CDH4: variants seen among roughly 807,000 people sequenced by gnomAD.
The protein encoded by CDH4 is cadherin 4.
A neutral mutation model predicts 86.0 loss-of-function variants in CDH4; 33 were observed. The observed-to-expected ratio is 0.38, with a 90% CI of 0.29 to 0.51. The LOEUF is 0.51. CDH4 is among the 20% of genes least tolerant of loss of function. The probability of loss-of-function intolerance (pLI) is 0.86; values close to 1 mark genes in which losing one functional copy is unlikely to be tolerated. For synonymous variants in CDH4, 555 were observed against 549.4 expected (o/e 1.01, Z -0.14); for missense variants, 1,114 against 1,307.4 (o/e 0.85, Z 2.28).
At chr20:61,302,616 G>A (rs934328681) in intron 2 of CDH4, among the ~76,000 whole-genome samples, 6 of 152,156 alleles carry the variant, frequency 3.9e-5, no homozygotes, top group Admixed American at 2.6e-4. Flanking sequence ...AGACTGGTTG[G>A]TGCCTCCCAT....
chr20:61,778,265 G>A (rs1978354505), intron 4 of CDH4, among the ~76,000 whole-genome samples: 1 of 152,192 alleles, frequency 6.6e-6, no homozygotes, highest in South Asian at 2.1e-4. Flanking sequence ...GCCTGATGCG[G>A]GGCGGCAAGC....
chr20:61,812,425 C>G (rs1980487463), intron 4 of CDH4, among the ~76,000 whole-genome samples: 2 of 152,124 alleles, frequency 1.3e-5, no homozygotes, highest in Admixed American at 1.3e-4. Flanking sequence ...TAACAGCCAG[C>G]CCCCAGCAGC....
chr20:61,348,906 C>T (rs1480368886), intron 2 of CDH4, among the ~76,000 whole-genome samples: 1 of 152,142 alleles, frequency 6.6e-6, no homozygotes. Flanking sequence ...GTTTGTTTTT[C>T]GTTTGTTTTG....
At chr20:61,608,604 G>A (rs959002571) in intron 2 of CDH4, among the ~76,000 whole-genome samples, 1 of 152,214 alleles carries the variant, frequency 6.6e-6, no homozygotes, top group East Asian at 1.9e-4. Flanking sequence ...AGTGCTCAAC[G>A]CAGCCAAGAA....
chr20:61,588,452 G>A (rs2086494450), intron 2 of CDH4, among the ~76,000 whole-genome samples: 1 of 152,210 alleles, frequency 6.6e-6, no homozygotes, highest in Admixed American at 6.5e-5. Flanking sequence ...GCCCTTTGCA[G>A]GGAGAGAAAG....
rs1446071141 is a variant in CDH4, at chr20:61,691,866, CTG to C, written c.170-51695_170-51694del. The stretch of plus-strand genomic sequence containing the variant: ...CAGCACATGACTGTGTATCGCACAC[CTG>C]TCTATGTGTGTATGTGTATATATGC... On this transcript the variant is annotated intron_variant, in intron 2 of 15. Coordinates refer to ENST00000614565, the MANE Select transcript of CDH4 (RefSeq NM_001794.5). 4.0e-5 allele frequency among the ~76,000 whole-genome samples: 6 copies of C among 150,438 alleles called. No individual in the cohort carries two copies. The East Asian group carries it at 1.2e-3, about 30-fold the overall frequency.
intron 2 of CDH4, among the ~76,000 whole-genome samples, chr20:61,694,085 G>A (rs1427331144): frequency 1.3e-5 from 2 of 151,756 alleles, no homozygotes; most frequent in Non-Finnish European, 2.9e-5. Context: ...GTGGAGACAG[G>A]GTTTTGCCAT....
intron 2 of CDH4, among the ~76,000 whole-genome samples, chr20:61,601,755 G>A (rs1286448589): frequency 1.3e-5 from 2 of 152,226 alleles, no homozygotes; most frequent in Non-Finnish European, 2.9e-5. Context: ...CAGAGGAGAT[G>A]GATGCATTCC....
chr20:61,320,030 T>C (rs1263467420), intron 2 of CDH4, among the ~76,000 whole-genome samples: 1 of 152,134 alleles, frequency 6.6e-6, no homozygotes, highest in Non-Finnish European at 1.5e-5. Flanking sequence ...TGTTGAGCAC[T>C]TGAAATTTGT....
intron 2 of CDH4, among the ~76,000 whole-genome samples, chr20:61,308,122 C>G (rs6124081): frequency 1.3e-5 from 2 of 152,024 alleles, no homozygotes; most frequent in South Asian, 4.1e-4. Flanking sequence ...AGGGCTGAAC[C>G]TCACTGCCCA....
intron 2 of CDH4, among the ~76,000 whole-genome samples, chr20:61,444,865 A>T (rs564097385): frequency 3.7e-5 from 5 of 135,168 alleles, no homozygotes; most frequent in Middle Eastern, 4.1e-3. Context: ...GTGTATATGT[A>T]TGTGTGTTTC....
At chr20:61,917,293 A>T (rs573277274) in intron 9 of CDH4, among the ~76,000 whole-genome samples, 89 of 152,286 alleles carry the variant, frequency 5.8e-4, no homozygotes, top group African/African-American at 1.9e-3. Flanking sequence ...TACCCTCCTC[A>T]GGGCCCAGCA....
At chr20:61,935,897 AAAAT>A (rs539646863) in intron 15 of CDH4, among the ~76,000 whole-genome samples, 111 of 152,314 alleles carry the variant, frequency 7.3e-4, no homozygotes, top group African/African-American at 2.6e-3. Context: ...GAAAAATCTA[AAAAT>A]AAATAAATAA....
intron 2 of CDH4, among the ~76,000 whole-genome samples, chr20:61,699,391 CAG>C (rs901024199): frequency 5.3e-5 from 8 of 152,206 alleles, no homozygotes; most frequent in East Asian, 3.9e-4. Flanking sequence ...GGGCTAGTGA[CAG>C]GGCCACGGTT....
At chr20:61,897,221 T>C (rs1985171261) in intron 8 of CDH4, among the ~76,000 whole-genome samples, 1 of 152,062 alleles carries the variant, frequency 6.6e-6, no homozygotes, top group Admixed American at 6.5e-5. Context: ...GGCATTGTGG[T>C]CCTAAATCCC....
chr20:61,703,985 C>T lies in CDH4; in HGVS notation c.170-39578C>T, dbSNP rs931407315. ...GATGAGGGTGGCAGAGTCACAGCCG[C>T]TGGGAGTGGCCGGGCAGGTGGCTGT... On this transcript the variant is annotated intron_variant, in intron 2 of 15. Transcript: ENST00000614565. The surrounding 1 kb of genome is among the most constrained non-coding windows in gnomAD (Gnocchi z 4.3). 6.6e-6 allele frequency among the ~76,000 whole-genome samples: 1 copy of T among 152,080 alleles called. No individual in the cohort carries two copies. The highest frequency in any genetic ancestry group is 1.9e-4 in the East Asian group (1 of 5,130).
intron 4 of CDH4, among the ~76,000 whole-genome samples, chr20:61,812,647 C>A (rs1307263878): frequency 6.6e-6 from 1 of 152,194 alleles, no homozygotes; most frequent in East Asian, 1.9e-4. Context: ...CACTGACCAA[C>A]AGATATTAAC....
intron 2 of CDH4, among the ~76,000 whole-genome samples, chr20:61,559,986 C>T (rs1462380313): frequency 6.6e-6 from 1 of 152,126 alleles, no homozygotes; most frequent in Non-Finnish European, 1.5e-5. Flanking sequence ...AACCATGGAC[C>T]CTCTGTCCAT....
intron 7 of CDH4, among the ~76,000 whole-genome samples, chr20:61,887,398 A>T (rs937719322): frequency 3.9e-5 from 6 of 152,090 alleles, no homozygotes; most frequent in Admixed American, 6.6e-5. Flanking sequence ...GCACACACAC[A>T]CACACAACAC....
Sources: gnomAD v4.1 joint callset for allele counts (sites outside exome capture counted in the v4.1 genomes callset) on GRCh38, gnomAD v4.1.1 for gene constraint, Gnocchi (gnomAD v3.1) non-coding constraint, MANE v1.5 for transcripts, NCBI Gene and HGNC (gene_info 2026-07-23, HGNC 2026-07-21) for gene names.